The following PTH2R variants were observed in gnomAD, a reference collection of about 807,000 sequenced individuals.
PTH2R encodes the protein PTH2 receptor.
Under a neutral mutation model 60.3 loss-of-function variants are expected in PTH2R, and 59 were observed. That is an observed-to-expected ratio of 0.98 (90% CI 0.79 to 1.22). The LOEUF (loss-of-function observed/expected upper bound fraction) is 1.22. Ranked by LOEUF, PTH2R falls within the 50% of genes most tolerant of loss-of-function variation. The probability of loss-of-function intolerance (pLI) is 0.00; values close to 1 mark genes in which losing one functional copy is unlikely to be tolerated. For missense variants in PTH2R, 749 were observed against 682.6 expected (o/e 1.10, Z -1.08); for synonymous variants, 256 against 243.8 (o/e 1.05, Z -0.47).
At chr2:208,454,614 C>T (rs1702473047) in intron 8 of PTH2R, among the ~76,000 whole-genome samples, 1 of 152,184 alleles carries the variant, frequency 6.6e-6, no homozygotes, top group Non-Finnish European at 1.5e-5. Flanking sequence ...TTGTTTAAGC[C>T]ACCCAGCCTG....
chr2:208,397,259 C>A (rs1257886867), intron 1 of PTH2R, among the ~76,000 whole-genome samples: 1 of 151,508 alleles, frequency 6.6e-6, no homozygotes, highest in African/African-American at 2.4e-5. Flanking sequence ...AAATATGTAA[C>A]AAACCTGCAT....
At chr2:208,384,957 T>A (rs1700977214) in intron 1 of PTH2R, among the ~76,000 whole-genome samples, 1 of 152,228 alleles carries the variant, frequency 6.6e-6, no homozygotes, top group South Asian at 2.1e-4. Flanking sequence ...TCTGTTTCAA[T>A]GCTTAGAATT....
intron 10 of PTH2R, among the ~76,000 whole-genome samples, chr2:208,481,450 A>G (rs1050028327): frequency 6.6e-6 from 1 of 152,114 alleles, no homozygotes; most frequent in Admixed American, 6.5e-5. Flanking sequence ...ACCTCAGGTG[A>G]TCTGCCTGCC....
In PTH2R at chr2:208,428,201, CTGGATTCTGA is replaced by C; in HGVS notation, c.80_89del (p.Asp27AlafsTer5). 1 of 1,606,048 alleles carries C rather than the reference CTGGATTCTGA, an allele frequency of 6.2e-7. No homozygotes were observed. Among genetic ancestry groups the C allele is most frequent in the East Asian group, 2.2e-5 (1 of 44,738 alleles). On this transcript the variant is annotated frameshift_variant and splice_region_variant, in exon 2 of 13. Coordinates refer to ENST00000272847, the MANE Select transcript of PTH2R (RefSeq NM_005048.4). LOFTEE classifies it high-confidence loss of function. ...GTTTGTATTTTGTTCACTTCTACAG[CTGGATTCTGA>C]TGGCACCATTACTATAGAGGAGCAG...
At chr2:208,378,496 C>T (rs1041045897) in intron 1 of PTH2R, among the ~76,000 whole-genome samples, 2 of 152,038 alleles carry the variant, frequency 1.3e-5, no homozygotes, top group African/African-American at 4.8e-5. Flanking sequence ...AATCTTAGCC[C>T]TCAGAGTGGT....
chr2:208,487,744 G>A (rs1703304719), intron 10 of PTH2R, among the ~76,000 whole-genome samples: 1 of 152,192 alleles, frequency 6.6e-6, no homozygotes, highest in Non-Finnish European at 1.5e-5. Context: ...GACTGGGGAA[G>A]AATCTACTTC....
chr2:208,375,896 A>G (rs1003524228), intron 1 of PTH2R, among the ~76,000 whole-genome samples: 1 of 152,106 alleles, frequency 6.6e-6, no homozygotes, highest in African/African-American at 2.4e-5. Flanking sequence ...AGAGAGGATG[A>G]CAAAATGCCC....
At chr2:208,431,108 A>G (rs768014639) in intron 2 of PTH2R, among the ~76,000 whole-genome samples, 79 of 151,650 alleles carry the variant, frequency 5.2e-4, no homozygotes, top group Non-Finnish European at 9.7e-4. Context: ...TGTCTTATGT[A>G]TTTTCCTTTT....
intron 2 of PTH2R, among the ~76,000 whole-genome samples, chr2:208,433,721 C>G (rs1330076224): frequency 6.6e-6 from 1 of 152,110 alleles, no homozygotes; most frequent in African/African-American, 2.4e-5. Context: ...TTAAAAAACA[C>G]AGACCAAAAT....
In PTH2R at chr2:208,442,352, C is replaced by G. The variant is rs1702201764; in HGVS notation, c.412-12C>G. 4 of 1,581,040 alleles carry G rather than the reference C, an allele frequency of 2.5e-6. No individual in the cohort carries two copies. Among genetic ancestry groups the G allele is most frequent in the South Asian group, 2.2e-5 (2 of 90,266 alleles). ...AGTCCCATATCATACATGAGCATCT[C>G]TTCCCTTGCAGCAAGAATTCTTTGA... On this transcript the variant is annotated splice_polypyrimidine_tract_variant and intron_variant, in intron 4 of 12. Coordinates refer to ENST00000272847, the MANE Select transcript of PTH2R (RefSeq NM_005048.4).
At chr2:208,463,468 G>T in intron 9 of PTH2R, among the ~76,000 whole-genome samples, 1 of 152,092 alleles carries the variant, frequency 6.6e-6, no homozygotes, top group South Asian at 2.1e-4. Flanking sequence ...CTGTTGTTGA[G>T]CGTGCAGGCT....
At chr2:208,431,702 A>G (rs10186040) in intron 2 of PTH2R, among the ~76,000 whole-genome samples, 150,415 of 152,330 alleles carry the variant, frequency 0.99, 74,286 homozygotes, top group Middle Eastern at 1. Flanking sequence ...TGGGAGAAGT[A>G]TCATCTTTTG....
chr2:208,433,947 G>T (rs185253675), intron 2 of PTH2R, among the ~76,000 whole-genome samples: 2 of 152,152 alleles, frequency 1.3e-5, no homozygotes, highest in Non-Finnish European at 2.9e-5. Context: ...CAATTAATTA[G>T]GTCCTTGCCA....
intron 1 of PTH2R, among the ~76,000 whole-genome samples, chr2:208,382,961 G>A (rs1317799676): frequency 6.6e-6 from 1 of 152,260 alleles, no homozygotes; most frequent in Non-Finnish European, 1.5e-5. Flanking sequence ...CCCCTTGGGG[G>A]ATGTGGGGGG....
intron 1 of PTH2R, among the ~76,000 whole-genome samples, chr2:208,394,978 A>T (rs1444615714): frequency 6.6e-6 from 1 of 152,136 alleles, no homozygotes; most frequent in East Asian, 1.9e-4. Flanking sequence ...TGCGGAAGAC[A>T]TCTTACTCCT....
At chr2:208,419,375 T>C (rs995836434) in intron 1 of PTH2R, among the ~76,000 whole-genome samples, 1 of 152,206 alleles carries the variant, frequency 6.6e-6, no homozygotes, top group Non-Finnish European at 1.5e-5. Flanking sequence ...GGGTTGTTTG[T>C]TTTTTTCTTG....
At chr2:208,464,563 C>T (rs1034971969) in intron 9 of PTH2R, among the ~76,000 whole-genome samples, 2 of 152,158 alleles carry the variant, frequency 1.3e-5, no homozygotes, top group African/African-American at 4.8e-5. Context: ...GGAATGATGC[C>T]AAATGTGTCG....
intron 2 of PTH2R, among the ~76,000 whole-genome samples, chr2:208,435,935 G>C (rs1372155202): frequency 6.6e-6 from 1 of 152,164 alleles, no homozygotes; most frequent in Non-Finnish European, 1.5e-5. Flanking sequence ...TTGAGAAGTT[G>C]GGGTATAATT....
chr2:208,459,778 A>T, intron 8 of PTH2R, 117 bp from the exon 9 acceptor site: 1 of 804,490 alleles, frequency 1.2e-6, no homozygotes, highest in Non-Finnish European at 2.1e-6. Context: ...TTCTTTGTCT[A>T]TTTGTTTCTT....
Sources: allele counts gnomAD v4.1 joint callset (sites outside exome capture counted in the v4.1 genomes callset), GRCh38; gene constraint gnomAD v4.1.1; transcripts MANE v1.5; gene names NCBI Gene and HGNC (gene_info 2026-07-23, HGNC 2026-07-21).